Variants in DLGAP2 observed in about 807,000 individuals in gnomAD.
The protein encoded by DLGAP2 is disks large-associated protein 2.
A neutral mutation model predicts 100.3 loss-of-function variants in DLGAP2; 26 were observed. That is an observed-to-expected ratio of 0.26 (90% confidence interval 0.19 to 0.36). The LOEUF is 0.36. Among genes scored for constraint, DLGAP2 ranks in the 10% least tolerant of loss-of-function variants. The pLI is 1.00. For synonymous variants in DLGAP2, 886 were observed against 630.1 expected (o/e 1.41, Z -6.08); for missense variants, 1,858 against 1,453.2 (o/e 1.28, Z -4.53).
chr8:1,562,053 A>G (rs866878040), intron 5 of DLGAP2, among the ~76,000 whole-genome samples: 2 of 12,116 alleles, frequency 1.7e-4, no homozygotes, highest in African/African-American at 6.6e-4. Flanking sequence ...GCGCCTCGTT[A>G]CTGGGGGACT....
chr8:1,250,339 G>C (rs911620210), intron 2 of DLGAP2: 1 of 152,234 alleles, frequency 6.6e-6, no homozygotes, highest in Admixed American at 6.5e-5. Context: ...TCTGCACACC[G>C]CGCACTTCCT....
chr8:1,197,028 G>T lies in DLGAP2; in HGVS notation c.74-61823G>T, dbSNP rs373219382. ...CTGAAAATCGGGGTGGGCAATGTCT[G>T]TGGTCAGGAGGAGATGGAGGCCTCG... On this transcript the variant is annotated intron_variant, in intron 2 of 14. Transcript: ENST00000637795. Among the ~76,000 whole-genome samples the T allele has an allele frequency of 2.1e-3, 326 of 152,302 alleles. 14 individuals carry two copies. The South Asian group carries it at 0.062, about 29-fold the overall frequency.
intron 2 of DLGAP2, among the ~76,000 whole-genome samples, chr8:1,150,488 T>C (rs536955723): frequency 1.0e-3 from 153 of 152,044 alleles, no homozygotes; most frequent in African/African-American, 3.6e-3. Flanking sequence ...ATCTTCTATC[T>C]GGGAATGCAG....
rs146540634 is a variant in DLGAP2, at chr8:1,189,043, T to G, written c.74-69808T>G. ...GGTTCGGGCCCCATGGCGGTTCCGCTGTTGGGGTTGAGCATACACAGGGTT... is the reference window on the plus strand; with the variant it reads ...GGTTCGGGCCCCATGGCGGTTCCGCGGTTGGGGTTGAGCATACACAGGGTT... On this transcript the variant is annotated intron_variant, in intron 2 of 14. Coordinates refer to ENST00000637795, the MANE Select transcript of DLGAP2 (RefSeq NM_001346810.2). Among the ~76,000 whole-genome samples, 22 of 95,318 alleles carry G rather than the reference T, an allele frequency of 2.3e-4. 1 individual carries two copies. The highest frequency in any genetic ancestry group is 1.0e-3 in the African/African-American group (12 of 12,014). The allele number at this position is 95,318 out of a possible 152,430, so 62.5% of individuals were successfully genotyped here. A position where few individuals can be genotyped will look rare whatever the true frequency, so the allele number is the denominator to read the frequency against.
intron 3 of DLGAP2, among the ~76,000 whole-genome samples, chr8:1,405,394 A>G (rs1202266910): frequency 0.15 from 1,608 of 10,980 alleles, 48 homozygotes; most frequent in African/African-American, 0.35. Context: ...CTCGTCCTCC[A>G]GAGTCGTGTA....
At chr8:1,626,333 ACGGC>A (rs1797496523) in intron 6 of DLGAP2, among the ~76,000 whole-genome samples, 1 of 121,446 alleles carries the variant, frequency 8.2e-6, no homozygotes. Flanking sequence ...TGTGGGTTGG[ACGGC>A]TGTTCCCATC....
chr8:1,515,608 G>C (rs975381950), intron 4 of DLGAP2, among the ~76,000 whole-genome samples: 12 of 151,498 alleles, frequency 7.9e-5, no homozygotes, highest in Admixed American at 7.2e-4. Context: ...AGACACACGT[G>C]CATGCACACA....
At chr8:1,557,546 A>G (rs555939882) in intron 5 of DLGAP2, among the ~76,000 whole-genome samples, 3 of 152,178 alleles carry the variant, frequency 2.0e-5, no homozygotes, top group African/African-American at 7.2e-5. Flanking sequence ...CGAGGCAAGG[A>G]GTGGCCGTCC....
intron 3 of DLGAP2, among the ~76,000 whole-genome samples, chr8:1,432,443 A>T: frequency 6.6e-6 from 1 of 152,280 alleles, no homozygotes; most frequent in South Asian, 2.1e-4. Context: ...GTCCTGTCTA[A>T]ATGTTTATTT....
intron 2 of DLGAP2, among the ~76,000 whole-genome samples, chr8:1,066,096 T>C (rs1230945374): frequency 6.6e-6 from 1 of 152,134 alleles, no homozygotes; most frequent in Non-Finnish European, 1.5e-5. Context: ...CGGTCAGGTC[T>C]GAGTGAGGGC....
intron 3 of DLGAP2, among the ~76,000 whole-genome samples, chr8:1,437,114 A>C (rs1797660579): frequency 6.7e-6 from 1 of 150,008 alleles, no homozygotes; most frequent in African/African-American, 2.5e-5. Flanking sequence ...GTCTCCGTTC[A>C]GCCCAGGCGC....
chr8:1,484,630 A>G lies in DLGAP2; in HGVS notation c.107-16736A>G, dbSNP rs549185040. Reference sequence around the variant, plus strand: ...GGTAAAACCAATTCAGACCCAACTTACAAGCTGGACAGGAATTTCTGGTGA... The same window carrying G: ...GGTAAAACCAATTCAGACCCAACTTGCAAGCTGGACAGGAATTTCTGGTGA... On this transcript the variant is annotated intron_variant, in intron 3 of 14. Transcript: ENST00000637795. 2.1e-4 allele frequency among the ~76,000 whole-genome samples: 32 copies of G among 152,358 alleles called. No individual in the cohort carries two copies. In the South Asian group the frequency reaches 6.2e-3, roughly 30 times the overall value.
At chr8:1,539,003 G>A (rs926416326) in intron 4 of DLGAP2, among the ~76,000 whole-genome samples, 4 of 151,226 alleles carry the variant, frequency 2.6e-5, no homozygotes, top group African/African-American at 4.9e-5. Context: ...CTCATGGCTC[G>A]GCCTCCTGAG....
At chr8:875,463 G>A (rs1448286304) in intron 1 of DLGAP2, among the ~76,000 whole-genome samples, 2 of 152,108 alleles carry the variant, frequency 1.3e-5, no homozygotes, top group African/African-American at 4.8e-5. Context: ...CATGAGATCT[G>A]GTGATTTCAT....
intron 3 of DLGAP2, among the ~76,000 whole-genome samples, chr8:1,469,001 A>G (rs1417095207): frequency 2.0e-5 from 3 of 152,184 alleles, no homozygotes; most frequent in Non-Finnish European, 2.9e-5. Flanking sequence ...GGCCACTGCA[A>G]AGACCAAGGT....
At chr8:1,252,742 A>G (rs3923941) in intron 2 of DLGAP2, among the ~76,000 whole-genome samples, 67,961 of 152,176 alleles carry the variant, frequency 0.45, 15,393 homozygotes, top group South Asian at 0.48. Context: ...GCCTGCTGTC[A>G]TCTAGAGCTC....
intron 1 of DLGAP2, among the ~76,000 whole-genome samples, chr8:891,994 C>T (rs1166684090): frequency 6.6e-6 from 1 of 152,200 alleles, no homozygotes; most frequent in Non-Finnish European, 1.5e-5. Context: ...GTGCATGAGT[C>T]AGTGCCGAGA....
At chr8:1,141,836 G>A (rs1796527411) in intron 2 of DLGAP2, among the ~76,000 whole-genome samples, 1 of 152,030 alleles carries the variant, frequency 6.6e-6, no homozygotes, top group South Asian at 2.1e-4. Context: ...AAAGCTTGAT[G>A]CTTATGTTTA....
At chr8:1,174,701 C>G (rs66722874) in intron 2 of DLGAP2, among the ~76,000 whole-genome samples, 6 of 135,798 alleles carry the variant, frequency 4.4e-5, no homozygotes, top group Non-Finnish European at 7.5e-5. Context: ...ACCATCACCA[C>G]CACTATCACC....
Sources: gnomAD v4.1 joint callset for allele counts (sites outside exome capture counted in the v4.1 genomes callset) on GRCh38, gnomAD v4.1.1 for gene constraint, MANE v1.5 for transcripts, NCBI Gene and HGNC (gene_info 2026-07-23, HGNC 2026-07-21) for gene names.